The following LEPR variants were observed in gnomAD, a reference collection of about 807,000 sequenced individuals.
LEPR encodes the protein OB receptor.
In LEPR, 56 loss-of-function variants were observed where a neutral mutation model predicts 114.7. The observed-to-expected ratio is 0.49, with a 90% CI of 0.39 to 0.61. The LOEUF (loss-of-function observed/expected upper bound fraction) is 0.61. Among genes scored for constraint, LEPR ranks in the 20% least tolerant of loss-of-function variants. The probability of loss-of-function intolerance (pLI) is 0.00; values close to 1 mark genes in which losing one functional copy is unlikely to be tolerated. For missense variants in LEPR, 1,202 were observed against 1,352.9 expected (o/e 0.89, Z 1.75); for synonymous variants, 443 against 461.4 (o/e 0.96, Z 0.51).
intron 2 of LEPR, among the ~76,000 whole-genome samples, chr1:65,491,391 A>G (rs1647862662): frequency 6.6e-6 from 1 of 152,152 alleles, no homozygotes; most frequent in South Asian, 2.1e-4. Context: ...TTTAGATTGT[A>G]AAACTTCAGG....
At chr1:65,616,283 C>CTCTCCTATTTTAAAT in intron 15 of LEPR, 59 bp downstream of exon 15, 1 of 1,535,176 alleles carries the variant, frequency 6.5e-7, no homozygotes, top group Non-Finnish European at 8.9e-7. Context: ...CTTTTGCAAA[C>CTCTCCTATTTTAAAT]TCTCCTATTT....
rs868416243 is a variant in LEPR, at chr1:65,422,813, G to A, written c.-97+2073G>A. On this transcript the variant is annotated intron_variant, in intron 1 of 19. Transcript: ENST00000349533. The stretch of plus-strand genomic sequence containing the variant: ...ACAGGCAGTTAGGAGTGAGTCAGGC[G>A]ATGGTGAGCCTCCGTGCCAGAACAA... Among the ~76,000 whole-genome samples, 37 of 152,354 alleles carry A rather than the reference G, an allele frequency of 2.4e-4. 1 individual carries two copies. In the Middle Eastern group the frequency reaches 0.01, roughly 42 times the overall value.
intron 3 of LEPR, among the ~76,000 whole-genome samples, chr1:65,567,448 T>C (rs181178929): frequency 1.3e-5 from 2 of 152,300 alleles, no homozygotes; most frequent in East Asian, 3.9e-4. Flanking sequence ...TAGAAACATG[T>C]TAGAAGGAGT....
At chr1:65,610,447 T>C in intron 14 of LEPR, 151 bp downstream of exon 14, 1 of 709,374 alleles carries the variant, frequency 1.4e-6, no homozygotes, top group Non-Finnish European at 2.4e-6. Flanking sequence ...AGAGCTAAGA[T>C]GTACAGTGGC....
chr1:65,549,971 T>C (rs1652162871), intron 2 of LEPR, among the ~76,000 whole-genome samples: 1 of 152,166 alleles, frequency 6.6e-6, no homozygotes. Flanking sequence ...TTGCTGATGG[T>C]GATGTACAGA....
intron 2 of LEPR, among the ~76,000 whole-genome samples, chr1:65,516,452 ACAAAC>A (rs1570592741): frequency 6.8e-6 from 1 of 147,336 alleles, no homozygotes; most frequent in Non-Finnish European, 1.5e-5. Context: ...TCAAAAAAAA[ACAAAC>A]CAAACCAAAC....
intron 19 of LEPR, among the ~76,000 whole-genome samples, chr1:65,626,790 C>T (rs1658244788): frequency 6.6e-6 from 1 of 151,964 alleles, no homozygotes; most frequent in African/African-American, 2.4e-5. Context: ...ACCATAGGCG[C>T]GTGCCACCAC....
At chr1:65,428,859 A>C (rs1474989876) in intron 2 of LEPR, among the ~76,000 whole-genome samples, 1 of 152,036 alleles carries the variant, frequency 6.6e-6, no homozygotes, top group Non-Finnish European at 1.5e-5. Flanking sequence ...CAAAATGTTG[A>C]AATTTGGGAG....
chr1:65,467,116 T>G (rs1167465109), intron 2 of LEPR, among the ~76,000 whole-genome samples: 3 of 152,168 alleles, frequency 2.0e-5, no homozygotes, highest in African/African-American at 7.2e-5. Flanking sequence ...GGCGCTCTAT[T>G]TTTTGGAATT....
At chr1:65,578,638 G>A (rs1159200398) in intron 5 of LEPR, among the ~76,000 whole-genome samples, 3 of 152,192 alleles carry the variant, frequency 2.0e-5, no homozygotes, top group Non-Finnish European at 1.5e-5. Flanking sequence ...TCTCTGGGCA[G>A]TATTAATTGC....
rs1219273729 is a variant in LEPR, at chr1:65,638,169, G to T, written c.*1154G>T. The T allele has an allele frequency of 2.0e-5, 3 of 152,130 alleles. No individual in the cohort carries two copies. The highest frequency in any genetic ancestry group is 7.2e-5 in the African/African-American group (3 of 41,412). 9.4% of individuals were successfully genotyped at this position (152,130 alleles called of 1,614,324 possible). On this transcript the variant is annotated 3_prime_UTR_variant, in exon 20 of 20. Transcript: ENST00000349533. The stretch of plus-strand genomic sequence containing the variant: ...TCTTGAAACTAGCCGGGGCAACATA[G>T]TGAGGCCTCGTCTCTACAAAAAACA...
rs567812882 is a variant in LEPR, at chr1:65,483,252, T to C, written c.-21+57874T>C. 4.8e-4 allele frequency among the ~76,000 whole-genome samples: 61 copies of C among 128,142 alleles called. 1 individual carries two copies. The highest frequency in any genetic ancestry group is 1.4e-3 in the African/African-American group (57 of 39,782). The allele number at this position is 128,142 out of a possible 152,430, so 84.1% of individuals were successfully genotyped here. On this transcript the variant is annotated intron_variant, in intron 2 of 19. Transcript: ENST00000349533. ...ATTCAGATATACAAATCAATATTGA[T>C]TTTTCTACAAATCAATAAGAAAAAG...
intron 5 of LEPR, among the ~76,000 whole-genome samples, chr1:65,585,155 T>G (rs574222273): frequency 4.9e-4 from 75 of 152,174 alleles, no homozygotes; most frequent in African/African-American, 1.8e-3. Flanking sequence ...TTATTTTGGA[T>G]TGGCAAGAGA....
rs1647558759 is a variant in LEPR, at chr1:65,487,574, G to T, written c.-21+62196G>T. Among the ~76,000 whole-genome samples, 4 of 152,076 alleles carry T rather than the reference G, an allele frequency of 2.6e-5. No homozygotes were observed. The South Asian group carries it at 8.3e-4, about 32-fold the overall frequency. ...TAAGGTTGTACCAGAGTAAAGAAAA[G>T]TTGACCATATTTAAATAAATAAATG... On this transcript the variant is annotated intron_variant, in intron 2 of 19. Coordinates refer to ENST00000349533, the MANE Select transcript of LEPR (RefSeq NM_002303.6).
At chr1:65,506,483 A>G (rs1208217976) in intron 2 of LEPR, among the ~76,000 whole-genome samples, 20 of 152,336 alleles carry the variant, frequency 1.3e-4, no homozygotes. Flanking sequence ...AGAAGTTGCA[A>G]GGACTCTTCA....
chr1:65,457,902 A>T (rs1179033127), intron 2 of LEPR, among the ~76,000 whole-genome samples: 1 of 152,232 alleles, frequency 6.6e-6, no homozygotes, highest in Non-Finnish European at 1.5e-5. Context: ...TGAATGGTTC[A>T]CCTGCATGAG....
chr1:65,477,369 C>T (rs1308224236), intron 2 of LEPR, among the ~76,000 whole-genome samples: 2 of 152,210 alleles, frequency 1.3e-5, no homozygotes, highest in East Asian at 1.9e-4. Context: ...TATCTACAGT[C>T]GTTAACAGAG....
chr1:65,597,574 C>T (rs1395298477), intron 7 of LEPR, among the ~76,000 whole-genome samples: 1 of 151,954 alleles, frequency 6.6e-6, no homozygotes, highest in African/African-American at 2.4e-5. Flanking sequence ...ACAGGGAGAA[C>T]AGCAGTGCAA....
At chr1:65,558,755 T>A (rs1570693042) in intron 2 of LEPR, among the ~76,000 whole-genome samples, 3 of 54,544 alleles carry the variant, frequency 5.5e-5, no homozygotes, top group East Asian at 4.2e-4. Context: ...TGTGTCCATG[T>A]GATCTCATTG....
Sources: gnomAD v4.1 joint callset for allele counts (sites outside exome capture counted in the v4.1 genomes callset) on GRCh38, gnomAD v4.1.1 for gene constraint, MANE v1.5 for transcripts, NCBI Gene and HGNC (gene_info 2026-07-23, HGNC 2026-07-21) for gene names.